PDS5B: variants seen among roughly 807,000 people sequenced by gnomAD.
The protein encoded by PDS5B is PDS5 cohesin associated factor B, also known as sister chromatid cohesion protein PDS5 homolog B.
PDS5B carries 51 observed loss-of-function variants against 184.1 expected under a neutral mutation model. The observed-to-expected ratio is 0.28, with a 90% confidence interval of 0.22 to 0.35. The LOEUF (loss-of-function observed/expected upper bound fraction) is 0.35, where lower values mean the gene tolerates loss of function less well. Ranked by LOEUF, PDS5B falls within the 10% of genes least tolerant of loss-of-function variation. The pLI, the probability that PDS5B is intolerant of heterozygous loss-of-function variation, is 1.00. For synonymous variants in PDS5B, 566 were observed against 569.2 expected (o/e 0.99, Z 0.08); for missense variants, 1,180 against 1,723.3 (o/e 0.68, Z 5.58).
At chr13:32,646,229 A>G (rs1950219848) in intron 1 of PDS5B, among the ~76,000 whole-genome samples, 1 of 150,548 alleles carries the variant, frequency 6.6e-6, no homozygotes, top group Non-Finnish European at 1.5e-5. Context: ...CTGGTCTTGA[A>G]CTCCTGGGCT....
intron 1 of PDS5B, among the ~76,000 whole-genome samples, chr13:32,635,765 ATTT>A (rs34580707): frequency 5.5e-4 from 60 of 108,458 alleles, no homozygotes; most frequent in African/African-American, 1.4e-3. Flanking sequence ...TAGTATTCTG[ATTT>A]TTTTTTTTTT....
At chr13:32,669,694 T>A (rs1950885178) in intron 7 of PDS5B, among the ~76,000 whole-genome samples, 1 of 152,220 alleles carries the variant, frequency 6.6e-6, no homozygotes, top group Non-Finnish European at 1.5e-5. Context: ...ATATTATGTC[T>A]TTATCAAAAG....
intron 21 of PDS5B, among the ~76,000 whole-genome samples, chr13:32,737,561 C>G (rs535846856): frequency 1.3e-5 from 2 of 152,296 alleles, no homozygotes; most frequent in African/African-American, 4.8e-5. Context: ...CCTGCAAATT[C>G]TCACTGCTTT....
intron 12 of PDS5B, 67 bp downstream of exon 12, chr13:32,687,352 G>T (rs1263185110): frequency 8.1e-6 from 10 of 1,227,304 alleles, no homozygotes; most frequent in Non-Finnish European, 1.1e-5. Flanking sequence ...ATTGTTTTAT[G>T]CAAACTATTT....
At chr13:32,630,355 T>G (rs1164340933) in intron 1 of PDS5B, among the ~76,000 whole-genome samples, 1 of 152,176 alleles carries the variant, frequency 6.6e-6, no homozygotes. Flanking sequence ...TGGCAATGTC[T>G]GGAGACATTT....
At position 32,651,845 on chromosome 13, in the gene PDS5B, A is replaced by G; in HGVS notation, c.150A>G (p.Glu50=). The stretch of plus-strand genomic sequence containing the variant: ...TTATGGATATGGACCAGGACTCTGA[A>G]GAAGAAAAGGAGCTTTATTTAAACC... ...KTFMDMDQDS[E]EEKELYLNLA... Residue 50 remains glutamate, a synonymous_variant, in exon 3 of 35, where the codon GAA becomes GAG. Coordinates refer to ENST00000315596, the MANE Select transcript of PDS5B (RefSeq NM_015032.4). 6.2e-7 allele frequency: 1 copy of G among 1,613,144 alleles called. No homozygotes were observed. The highest frequency in any genetic ancestry group is 8.5e-7 in the Non-Finnish European group (1 of 1,179,208).
intron 30 of PDS5B, among the ~76,000 whole-genome samples, chr13:32,761,421 G>T (rs1015328): frequency 3.3e-5 from 5 of 151,910 alleles, no homozygotes; most frequent in African/African-American, 1.2e-4. Context: ...ATTGCATCCA[G>T]ATAGTGAGTA....
At chr13:32,659,333 TA>T in intron 6 of PDS5B, 53 bp downstream of exon 6, 1 of 1,364,018 alleles carries the variant, frequency 7.3e-7, no homozygotes, top group Non-Finnish European at 9.8e-7. Context: ...TATTAAGGCT[TA>T]AAATTTGTGC....
intron 1 of PDS5B, among the ~76,000 whole-genome samples, chr13:32,615,638 G>T (rs1454703894): frequency 6.6e-6 from 1 of 152,144 alleles, no homozygotes; most frequent in Non-Finnish European, 1.5e-5. Flanking sequence ...TCATCATGGT[G>T]TAATGAAGAG....
At chr13:32,650,851 C>G in intron 2 of PDS5B, among the ~76,000 whole-genome samples, 1 of 152,172 alleles carries the variant, frequency 6.6e-6, no homozygotes. Context: ...AAGTGGAAAT[C>G]GTTGCAGCAT....
intron 8 of PDS5B, 141 bp from the exon 9 acceptor site, chr13:32,675,702 AT>A: frequency 1.9e-6 from 1 of 539,608 alleles, no homozygotes; most frequent in Non-Finnish European, 3.3e-6. Context: ...TATAGTGAGC[AT>A]TTTTATGTAA....
rs548357247 is a variant in PDS5B at position 32,728,505 on chromosome 13, T to G, written c.2124-3596T>G. On this transcript the variant is annotated intron_variant, in intron 19 of 34. Coordinates refer to ENST00000315596, the MANE Select transcript of PDS5B (RefSeq NM_015032.4). ...CAGCCAAAGACTCAGGGATAGCCTC[T>G]GCAGATTAGCAGAGCTCATGCTGCC... Among the ~76,000 whole-genome samples, 38 of 152,308 alleles carry G rather than the reference T, an allele frequency of 2.5e-4. 1 individual carries two copies. The South Asian group carries it at 5.2e-3, about 21-fold the overall frequency.
intron 9 of PDS5B, among the ~76,000 whole-genome samples, chr13:32,676,660 G>A (rs916694370): frequency 1.3e-5 from 2 of 152,090 alleles, no homozygotes; most frequent in South Asian, 2.1e-4. Flanking sequence ...GGCCGGGCGC[G>A]GTGGCTCATG....
At chr13:32,714,681 T>A (rs1204557296) in intron 19 of PDS5B, among the ~76,000 whole-genome samples, 4 of 152,218 alleles carry the variant, frequency 2.6e-5, no homozygotes, top group African/African-American at 9.6e-5. Flanking sequence ...AATACGGCTC[T>A]GTTATGCCTG....
rs1953176375 is a variant in PDS5B, at chr13:32,732,937, T to TTA, written c.2247+714_2247+715dup. 3.3e-5 allele frequency among the ~76,000 whole-genome samples: 5 copies of TTA among 152,262 alleles called. No homozygotes were observed. In the South Asian group the frequency reaches 1.0e-3, roughly 32 times the overall value. On this transcript the variant is annotated intron_variant, in intron 20 of 34. Transcript: ENST00000315596. Reference sequence around the variant, plus strand: ...AGTACTTGGACTTAATATCTTTGTTTTAGAAAGTTGGTACTTTTGTCATAT... The same window carrying TTA: ...AGTACTTGGACTTAATATCTTTGTTTTATAGAAAGTTGGTACTTTTGTCATAT...
In PDS5B at chr13:32,687,177, A is replaced by C; in HGVS notation, c.1247A>C (p.Tyr416Ser). 1 of 1,607,026 alleles carries C rather than the reference A, an allele frequency of 6.2e-7. No homozygotes were observed. Among genetic ancestry groups the C allele is most frequent in the South Asian group, 1.1e-5 (1 of 89,046 alleles). The change falls in exon 12 of 35, where the codon TAT becomes TCT. Residue 416 changes from tyrosine (Y) to serine (S), a missense_variant. Tyr to Ser is a moderately radical substitution (Grantham distance 144). This residue lies in a region of PDS5B where 475 missense variants were observed against 691.5 expected (regional missense o/e 0.69). Transcript: ENST00000315596. Reference protein sequence around the residue: ...KEAMMGLAQIYKKYALQSAAG... With the variant: ...KEAMMGLAQISKKYALQSAAG... Reference sequence around the variant, plus strand: ...GCCATGATGGGACTTGCCCAAATTTATAAGAAATATGCTTTACAGTCAGCA... The same window carrying C: ...GCCATGATGGGACTTGCCCAAATTTCTAAGAAATATGCTTTACAGTCAGCA...
At chr13:32,598,352 C>T (rs1421880474) in intron 1 of PDS5B, among the ~76,000 whole-genome samples, 5 of 152,224 alleles carry the variant, frequency 3.3e-5, no homozygotes, top group Middle Eastern at 3.4e-3. Flanking sequence ...GGATTACAGG[C>T]GTGAGCCACC....
At chr13:32,770,810 A>G in intron 33 of PDS5B, 49 bp downstream of exon 33, 1 of 1,388,638 alleles carries the variant, frequency 7.2e-7, no homozygotes, top group South Asian at 1.2e-5. Flanking sequence ...TATTTTGCAA[A>G]AGTTCCTAAA....
chr13:32,657,796 G>A (rs1950552647), intron 3 of PDS5B, among the ~76,000 whole-genome samples: 1 of 151,936 alleles, frequency 6.6e-6, no homozygotes, highest in Non-Finnish European at 1.5e-5. Context: ...GCTTCTCTGT[G>A]GTATCTATTG....
Sources: gnomAD v4.1 joint callset for allele counts (sites outside exome capture counted in the v4.1 genomes callset) on GRCh38, gnomAD v4.1.1 for gene constraint, gnomAD v4.1.1 regional missense constraint, MANE v1.5 for transcripts, NCBI Gene and HGNC (gene_info 2026-07-23, HGNC 2026-07-21) for gene names.